The following GRIN2A variants were observed in gnomAD, a reference collection of about 807,000 sequenced individuals.
The protein encoded by GRIN2A is glutamate ionotropic receptor NMDA type subunit 2A.
In GRIN2A, 22 loss-of-function variants were observed where a neutral mutation model predicts 113.4. That is an observed-to-expected ratio of 0.19 (90% CI 0.14 to 0.28). The LOEUF is 0.28. Among genes scored for constraint, GRIN2A ranks in the 10% least tolerant of loss-of-function variants. GRIN2A has a pLI of 1.00. For synonymous variants in GRIN2A, 827 were observed against 738.4 expected (o/e 1.12, Z -1.94); for missense variants, 1,502 against 1,887.0 (o/e 0.80, Z 3.78).
chr16:9,958,564 G>A (rs2045357808), intron 2 of GRIN2A, among the ~76,000 whole-genome samples: 1 of 152,118 alleles, frequency 6.6e-6, no homozygotes, highest in African/African-American at 2.4e-5. Context: ...AGTAGATTCT[G>A]AAGCAAATAG....
At chr16:10,129,227 C>T (rs2049011549) in intron 2 of GRIN2A, among the ~76,000 whole-genome samples, 1 of 152,014 alleles carries the variant, frequency 6.6e-6, no homozygotes, top group Non-Finnish European at 1.5e-5. Flanking sequence ...AGGTGTAAGC[C>T]ATGACACCTG....
rs2042848766 is a variant in GRIN2A at position 9,849,775 on chromosome 16, G to A, written c.1309C>T (p.Arg437Trp). 3 of 1,613,856 alleles carry A rather than the reference G, an allele frequency of 1.9e-6. No homozygotes were observed. Among genetic ancestry groups the A allele is most frequent in the Non-Finnish European group, 2.5e-6 (3 of 1,179,858 alleles). ...ACTCACTTGATTTTGACGAACTTCC[G>A]ACATGGCACGGTGTTCCTCACACAC... is the stretch of plus-strand genomic sequence containing the variant. ...ETCVRNTVPC[R>W]KFVKINNSTN... The change falls in exon 5 of 13, where the codon CGG becomes TGG. Residue 437 changes from arginine (R) to tryptophan (W), a missense_variant. Around this residue, in one of 7 missense-constraint regions of GRIN2A, gnomAD observed 334 missense variants for 403.0 expected, o/e 0.83. Coordinates refer to ENST00000330684, the MANE Select transcript of GRIN2A (RefSeq NM_001134407.3).
rs376259962 is a variant in GRIN2A, at chr16:10,158,815, T to G, written c.414+21183A>C. On this transcript the variant is annotated intron_variant, in intron 2 of 12. Coordinates refer to ENST00000330684, the MANE Select transcript of GRIN2A (RefSeq NM_001134407.3). ...GGTTACTGGTCTCCTTTTGGAGTGA[T>G]GATGTTCTGGACCTAGATGGAGGTG... Among the ~76,000 whole-genome samples, 4 of 152,298 alleles carry G rather than the reference T, an allele frequency of 2.6e-5. No homozygotes were observed. In the East Asian group the frequency reaches 7.7e-4, roughly 29 times the overall value.
chr16:9,935,024 G>T (rs373420551), intron 3 of GRIN2A, among the ~76,000 whole-genome samples: 4 of 152,098 alleles, frequency 2.6e-5, no homozygotes, highest in African/African-American at 9.7e-5. Flanking sequence ...GTAACTTTGG[G>T]AAATTGCGCA....
chr16:9,827,475 C>G (rs938777475), intron 9 of GRIN2A, among the ~76,000 whole-genome samples: 7 of 152,240 alleles, frequency 4.6e-5, no homozygotes, highest in Non-Finnish European at 2.9e-5. Flanking sequence ...AAGTCTCCAT[C>G]TCAGTCCCGT....
chr16:10,127,210 A>C (rs2048957748), intron 2 of GRIN2A, among the ~76,000 whole-genome samples: 1 of 150,462 alleles, frequency 6.6e-6, no homozygotes, highest in South Asian at 2.1e-4. Flanking sequence ...CCAGCCTGGC[A>C]ACAGAGATTC....
chr16:10,034,253 G>A (rs2046982576), intron 2 of GRIN2A, among the ~76,000 whole-genome samples: 1 of 152,072 alleles, frequency 6.6e-6, no homozygotes, highest in African/African-American at 2.4e-5. Context: ...GGCCGGGCAT[G>A]GTGGCTCATG....
intron 2 of GRIN2A, among the ~76,000 whole-genome samples, chr16:9,988,537 A>C (rs1047742056): frequency 9.5e-5 from 14 of 147,554 alleles, no homozygotes; most frequent in African/African-American, 3.2e-4. Context: ...TGTGTGTACC[A>C]ATTAATCTCT....
intron 2 of GRIN2A, among the ~76,000 whole-genome samples, chr16:9,947,291 G>C (rs1366334329): frequency 6.6e-6 from 1 of 152,072 alleles, no homozygotes; most frequent in Non-Finnish European, 1.5e-5. Flanking sequence ...TCTTCTCAAA[G>C]ACTCTGACAG....
chr16:10,133,703 C>A (rs1412419118), intron 2 of GRIN2A, among the ~76,000 whole-genome samples: 1 of 152,182 alleles, frequency 6.6e-6, no homozygotes, highest in Admixed American at 6.5e-5. Context: ...TTATAAGAAT[C>A]TGAGCATGAT....
At chr16:10,139,407 A>T (rs2049275893) in intron 2 of GRIN2A, among the ~76,000 whole-genome samples, 1 of 152,344 alleles carries the variant, frequency 6.6e-6, no homozygotes, top group Non-Finnish European at 1.5e-5. Flanking sequence ...ATTACAATGA[A>T]AACAGAAAAT....
At chr16:10,002,367 A>G (rs774364550) in intron 2 of GRIN2A, among the ~76,000 whole-genome samples, 18 of 152,204 alleles carry the variant, frequency 1.2e-4, no homozygotes, top group Non-Finnish European at 1.6e-4. Context: ...AAGACATAAT[A>G]GATGAAACAC....
At chr16:9,848,299 T>G (rs910848367) in intron 5 of GRIN2A, among the ~76,000 whole-genome samples, 1 of 151,036 alleles carries the variant, frequency 6.6e-6, no homozygotes, top group African/African-American at 2.4e-5. Context: ...TATTGCAACC[T>G]CCACCTCCCA....
In GRIN2A at chr16:9,763,826, G is replaced by A. The variant is rs1367296864; in HGVS notation, c.3718C>T (p.Leu1240=). ...MRSPFKCDAC[L]RMGNLYDIDE... is the part of the protein sequence containing the mutation. Reference sequence around the variant, plus strand: ...ATGTCATAGAGGTTCCCCATCCGCAGGCAGGCATCGCACTTGAAGGGGGAC... The same window carrying A: ...ATGTCATAGAGGTTCCCCATCCGCAAGCAGGCATCGCACTTGAAGGGGGAC... Residue 1240 remains leucine (L), a synonymous_variant, in exon 13 of 13, where the codon CTG becomes TTG. Coordinates refer to ENST00000330684, the MANE Select transcript of GRIN2A (RefSeq NM_001134407.3). The A allele has an allele frequency of 2.5e-6, 4 of 1,614,128 alleles. No homozygotes were observed. Among genetic ancestry groups the A allele is most frequent in the Non-Finnish European group, 2.5e-6 (3 of 1,180,002 alleles).
chr16:10,081,033 G>A (rs888352822), intron 2 of GRIN2A, among the ~76,000 whole-genome samples: 1 of 152,190 alleles, frequency 6.6e-6, no homozygotes, highest in Non-Finnish European at 1.5e-5. Flanking sequence ...AATCAGAGTG[G>A]TCTTTTTGCC....
intron 2 of GRIN2A, among the ~76,000 whole-genome samples, chr16:10,084,881 A>C (rs1397089848): frequency 6.6e-6 from 1 of 152,220 alleles, no homozygotes; most frequent in Non-Finnish European, 1.5e-5. Context: ...AGTAGACAAC[A>C]GTCTACTGAC....
intron 11 of GRIN2A, among the ~76,000 whole-genome samples, chr16:9,789,765 T>C (rs1042256640): frequency 6.6e-6 from 1 of 152,350 alleles, no homozygotes; most frequent in Middle Eastern, 3.4e-3. Flanking sequence ...TCTCTATTCA[T>C]GCTAATGACA....
Position 9,764,312 on chromosome 16 carries a change from T to C in GRIN2A, c.3232A>G (p.Lys1078Glu), listed in dbSNP as rs1416184766. The change falls in exon 13 of 13, where the codon AAG becomes GAG. Residue 1078 changes from lysine (K) to glutamate (E), a missense_variant. This residue lies in a region of GRIN2A where 832 missense variants were observed against 789.7 expected (regional missense o/e 1.05). Transcript: ENST00000330684. The stretch of plus-strand genomic sequence containing the variant: ...AAGTTGTCCTTGGTTTTGTGGTTCT[T>C]ACTGTTGTCAGGTTCCCTGTGGCAC... Reference protein sequence around the residue: ...ATCHREPDNSKNHKTKDNFKR... With the variant: ...ATCHREPDNSENHKTKDNFKR... The C allele has an allele frequency of 1.9e-6, 3 of 1,614,046 alleles. No individual in the cohort carries two copies. The highest frequency in any genetic ancestry group is 2.5e-6 in the Non-Finnish European group (3 of 1,180,020).
chr16:10,028,955 T>A (rs1392106276), intron 2 of GRIN2A, among the ~76,000 whole-genome samples: 7 of 152,228 alleles, frequency 4.6e-5, no homozygotes, highest in African/African-American at 7.2e-5. Context: ...GAATTATTTG[T>A]TATTATAGCT....
Sources: allele counts gnomAD v4.1 joint callset (sites outside exome capture counted in the v4.1 genomes callset), GRCh38; gene constraint gnomAD v4.1.1; regional missense constraint gnomAD v4.1.1; transcripts MANE v1.5; gene names NCBI Gene and HGNC (gene_info 2026-07-23, HGNC 2026-07-21).